The following SLC26A8 variants were observed in gnomAD, a reference collection of about 807,000 sequenced individuals.
SLC26A8 encodes solute carrier family 26 member 8.
Under a neutral mutation model 105.0 loss-of-function variants are expected in SLC26A8, and 70 were observed. That is an observed-to-expected ratio of 0.67 (90% CI 0.55 to 0.81). SLC26A8 has a LOEUF of 0.81. SLC26A8 is among the 40% of genes least tolerant of loss of function. SLC26A8 has a pLI of 0.00. For missense variants in SLC26A8, 998 were observed against 1,181.8 expected (o/e 0.84, Z 2.28); for synonymous variants, 415 against 438.3 (o/e 0.95, Z 0.66).
At position 36,000,101 on chromosome 6, in the gene SLC26A8, T is replaced by A. The variant is rs573522301; in HGVS notation, c.336A>T (p.Thr112=). The A allele has an allele frequency of 3.1e-6, 5 of 1,610,186 alleles. No individual in the cohort carries two copies. The highest frequency in any genetic ancestry group is 3.3e-5 in the Admixed American group (2 of 59,750). ...TCAGTTGCCTTGCCAGCAAACTAAG[T>A]GTCAGGCCTGAAAAACAAGATAATT... ...VGLVQVPQGL[T]LSLLARQLIP... Residue 112 remains threonine (T), a synonymous_variant, in exon 4 of 20, where the codon ACA becomes ACT. Transcript: ENST00000490799.
intron 10 of SLC26A8, 60 bp from the exon 11 acceptor site, chr6:35,969,014 A>G (rs1772675524): frequency 4.8e-6 from 7 of 1,447,246 alleles, no homozygotes; most frequent in Non-Finnish European, 5.8e-6. Context: ...CCTGTCTGCA[A>G]CTGAGGCCTT....
intron 2 of SLC26A8, among the ~76,000 whole-genome samples, chr6:36,013,542 C>A (rs1293844071): frequency 6.6e-6 from 1 of 152,164 alleles, no homozygotes; most frequent in Non-Finnish European, 1.5e-5. Context: ...ACAGAATACA[C>A]AGGCCAATTC....
At chr6:36,017,498 G>A (rs1762026835) in intron 2 of SLC26A8, among the ~76,000 whole-genome samples, 1 of 152,082 alleles carries the variant, frequency 6.6e-6, no homozygotes, top group South Asian at 2.1e-4. Context: ...TGGGCGTGGT[G>A]GCACCTGCCT....
At position 36,009,577 on chromosome 6, in the gene SLC26A8, GA is replaced by G. The variant is rs34251252; in HGVS notation, c.328+2655del. On this transcript the variant is annotated intron_variant, in intron 3 of 19. Coordinates refer to ENST00000490799, the MANE Select transcript of SLC26A8 (RefSeq NM_052961.4). The stretch of plus-strand genomic sequence containing the variant: ...GATGAATCACCAAAGAATTATGAGG[GA>G]AAAAAACCAATACCAAAGGGTTATA... 4.6e-5 allele frequency among the ~76,000 whole-genome samples: 7 copies of G among 152,132 alleles called. No homozygotes were observed. In the South Asian group the frequency reaches 8.3e-4, roughly 18 times the overall value.
chr6:35,985,348 C>T lies in SLC26A8; in HGVS notation c.943-3145G>A, dbSNP rs138182405. Among the ~76,000 whole-genome samples the T allele has an allele frequency of 4.6e-3, 703 of 152,220 alleles. 1 individual carries two copies. The highest frequency in any genetic ancestry group is 7.5e-3 in the Non-Finnish European group (510 of 68,016). The stretch of plus-strand genomic sequence containing the variant: ...TGATTGAGACCTGTGTCAGATACAT[C>T]TGGGTTTACAGACTGCTTGAAGGAA... On this transcript the variant is annotated intron_variant, in intron 7 of 19. Transcript: ENST00000490799.
intron 7 of SLC26A8, among the ~76,000 whole-genome samples, chr6:35,990,079 A>G (rs752163772): frequency 4.0e-5 from 6 of 150,868 alleles, no homozygotes; most frequent in African/African-American, 4.9e-5. Flanking sequence ...CTGGGATTAC[A>G]GGCACATGCC....
chr6:35,991,729 A>C lies in SLC26A8; in HGVS notation c.872T>G (p.Leu291Arg). Residue 291 changes from leucine (L) to arginine (R), a missense_variant, in exon 7 of 20, where the codon CTG becomes CGG. Coordinates refer to ENST00000490799, the MANE Select transcript of SLC26A8 (RefSeq NM_052961.4). ...ILVFLTVVVA[L>R]RINKCIRISF... Reference sequence around the variant, plus strand: ...AATTCTGATACATTTGTTGATTCGCAGAGCAACAACAACAGTTAGAAATAC... The same window carrying C: ...AATTCTGATACATTTGTTGATTCGCCGAGCAACAACAACAGTTAGAAATAC... 1 of 1,607,518 alleles carries C rather than the reference A, an allele frequency of 6.2e-7. No homozygotes were observed. Among genetic ancestry groups the C allele is most frequent in the South Asian group, 1.1e-5 (1 of 89,654 alleles).
At chr6:35,991,031 C>G (rs1761130839) in intron 7 of SLC26A8, among the ~76,000 whole-genome samples, 1 of 152,104 alleles carries the variant, frequency 6.6e-6, no homozygotes, top group Non-Finnish European at 1.5e-5. Flanking sequence ...CTTGCAATTG[C>G]TAAGAGAGTA....
intron 7 of SLC26A8, among the ~76,000 whole-genome samples, chr6:35,986,948 C>T (rs527351254): frequency 3.3e-5 from 5 of 152,296 alleles, no homozygotes; most frequent in African/African-American, 1.2e-4. Flanking sequence ...CAGGTATCTA[C>T]TCAACATATT....
intron 19 of SLC26A8, among the ~76,000 whole-genome samples, chr6:35,950,347 T>C (rs996953082): frequency 6.6e-6 from 1 of 151,542 alleles, no homozygotes; most frequent in Admixed American, 6.6e-5. Flanking sequence ...TGGAGTGCAG[T>C]GGCGTGATCT....
intron 10 of SLC26A8, among the ~76,000 whole-genome samples, chr6:35,971,530 G>C (rs1772795904): frequency 5.9e-5 from 9 of 152,148 alleles, no homozygotes. Context: ...TGGGTCTTGG[G>C]GTAGAAGTGA....
chr6:35,964,496 A>C (rs536066601), intron 11 of SLC26A8, among the ~76,000 whole-genome samples: 2 of 151,960 alleles, frequency 1.3e-5, no homozygotes, highest in Non-Finnish European at 2.9e-5. Flanking sequence ...CAAATACAAA[A>C]ATTAGCCGGG....
intron 3 of SLC26A8, among the ~76,000 whole-genome samples, chr6:36,011,610 C>CT (rs1309490216): frequency 6.6e-6 from 1 of 151,902 alleles, no homozygotes; most frequent in Non-Finnish European, 1.5e-5. Context: ...TATCCTTCAC[C>CT]TTTTTTTTCT....
intron 11 of SLC26A8, among the ~76,000 whole-genome samples, chr6:35,964,948 G>C (rs959454140): frequency 7.0e-6 from 1 of 143,686 alleles, no homozygotes; most frequent in Non-Finnish European, 1.5e-5. Flanking sequence ...GTCTGGGCAA[G>C]AGAGTGAGAC....
At chr6:35,971,427 C>T (rs1384921193) in intron 10 of SLC26A8, among the ~76,000 whole-genome samples, 1 of 152,200 alleles carries the variant, frequency 6.6e-6, no homozygotes, top group Non-Finnish European at 1.5e-5. Context: ...GCCACAGCCA[C>T]AATCAACATG....
intron 16 of SLC26A8, among the ~76,000 whole-genome samples, chr6:35,958,444 T>A (rs1377157798): frequency 6.6e-6 from 1 of 152,168 alleles, no homozygotes; most frequent in Non-Finnish European, 1.5e-5. Context: ...TATGCTATAT[T>A]GCATGATTCA....
In SLC26A8 at chr6:35,988,843, T is replaced by C. The variant is rs931529036; in HGVS notation, c.942+2816A>G. ...TTTTAGATATACAGTTCTATACGGT[T>C]TTTTTTTTTTTTTTTGAGACGGAAT... is the stretch of plus-strand genomic sequence containing the variant. On this transcript the variant is annotated intron_variant, in intron 7 of 19. Coordinates refer to ENST00000490799, the MANE Select transcript of SLC26A8 (RefSeq NM_052961.4). 7.5e-4 allele frequency among the ~76,000 whole-genome samples: 57 copies of C among 75,658 alleles called. 1 individual carries two copies. Among genetic ancestry groups the C allele is most frequent in the Non-Finnish European group, 7.6e-4 (26 of 34,046 alleles). The allele number at this position is 75,658 out of a possible 152,430, so 49.6% of individuals were successfully genotyped here.
intron 4 of SLC26A8, among the ~76,000 whole-genome samples, chr6:35,999,078 T>C (rs1761446470): frequency 6.6e-6 from 1 of 152,026 alleles, no homozygotes. Flanking sequence ...GTATTTTTAG[T>C]AGAGGTGGGG....
At chr6:36,004,820 ATTTTTTTTT>A (rs750395557) in intron 3 of SLC26A8, among the ~76,000 whole-genome samples, 1 of 122,032 alleles carries the variant, frequency 8.2e-6, no homozygotes, top group African/African-American at 3.1e-5. Flanking sequence ...ACCTAGTTAA[ATTTTTTTTT>A]TTTTTTTTTT....
Sources: gnomAD v4.1 joint callset for allele counts (sites outside exome capture counted in the v4.1 genomes callset) on GRCh38, gnomAD v4.1.1 for gene constraint, MANE v1.5 for transcripts, NCBI Gene and HGNC (gene_info 2026-07-23, HGNC 2026-07-21) for gene names.